Variants in HINT3 observed in about 807,000 individuals in gnomAD.
HINT3 encodes adenosine 5'-monophosphoramidase HINT3.
HINT3 carries 16 observed loss-of-function variants against 19.1 expected under a neutral mutation model. That is an observed-to-expected ratio of 0.84 (90% CI 0.57 to 1.27). The LOEUF (loss-of-function observed/expected upper bound fraction) is 1.27. HINT3 is among the 50% of genes most tolerant of loss of function. HINT3 has a pLI of 0.00. For missense variants in HINT3, 197 were observed against 225.8 expected (o/e 0.87, Z 0.82); for synonymous variants, 75 against 84.8 (o/e 0.88, Z 0.63).
chr6:125,977,122 G>C (rs748890671), intron 4 of HINT3, among the ~76,000 whole-genome samples: 82 of 152,062 alleles, frequency 5.4e-4, no homozygotes, highest in African/African-American at 4.8e-4. Context: ...ATATTCTGTG[G>C]GTTTTGATAA....
At chr6:125,972,770 G>C (rs1789120642) in intron 3 of HINT3, among the ~76,000 whole-genome samples, 1 of 151,806 alleles carries the variant, frequency 6.6e-6, no homozygotes, top group Admixed American at 6.6e-5. Context: ...AAATTTTTTA[G>C]GTAGAGACAG....
intron 1 of HINT3, among the ~76,000 whole-genome samples, chr6:125,965,475 C>A (rs866901206): frequency 2.0e-5 from 3 of 152,134 alleles, no homozygotes; most frequent in African/African-American, 2.4e-5. Flanking sequence ...TTAATTGTTT[C>A]TGAGCTGGAA....
intron 2 of HINT3, among the ~76,000 whole-genome samples, chr6:125,968,967 T>G (rs927637732): frequency 2.6e-5 from 4 of 152,228 alleles, no homozygotes; most frequent in African/African-American, 9.6e-5. Context: ...GGTTATCCAT[T>G]TACTCTGTTG....
chr6:125,973,962 AG>A (rs1291554944), intron 3 of HINT3, among the ~76,000 whole-genome samples: 4 of 152,200 alleles, frequency 2.6e-5, no homozygotes, highest in Non-Finnish European at 5.9e-5. Context: ...ACTGTTTGGC[AG>A]AAGGAAAACC....
In HINT3 at chr6:125,966,877, T is replaced by C. The variant is rs3757212; in HGVS notation, c.202-10T>C. On this transcript the variant is annotated splice_polypyrimidine_tract_variant and intron_variant, in intron 1 of 4. Coordinates refer to ENST00000229633, the MANE Select transcript of HINT3 (RefSeq NM_138571.5). ...TTTAAAAATTCACTAACAAATGTTT[T>C]TTCCTTTAGAATGAGGACCTAATTT... The C allele has an allele frequency of 0.68, 1,051,529 of 1,557,278 alleles. 359,557 individuals carry two copies. The highest frequency in any genetic ancestry group is 0.95 in the East Asian group (42,025 of 44,348).
In HINT3 at chr6:125,977,645, C is replaced by T. The variant is rs1393604471; in HGVS notation, c.518C>T (p.Ala173Val). 1 of 1,472,510 alleles carries T rather than the reference C, an allele frequency of 6.8e-7. No individual in the cohort carries two copies. Among genetic ancestry groups the T allele is most frequent in the East Asian group, 2.5e-5 (1 of 40,504 alleles). The allele number at this position is 1,472,510 out of a possible 1,614,324, so 91.2% of individuals were successfully genotyped here. ...AAAAAGTATGTTTTTTAATTACAGG[C>T]TGATCACTTGATTGAAAAACTAAGA... ...YRVNSYWFIT[A>V]DHLIEKLRT is the part of the protein sequence containing the mutation. The change falls in exon 5 of 5, where the codon GCT becomes GTT. Residue 173 changes from alanine (A) to valine (V), a missense_variant and splice_region_variant. By Grantham distance (64) the Ala-to-Val change is moderately conservative. Transcript: ENST00000229633.
intron 4 of HINT3, among the ~76,000 whole-genome samples, chr6:125,975,222 T>C (rs1789164340): frequency 6.6e-6 from 1 of 152,218 alleles, no homozygotes; most frequent in African/African-American, 2.4e-5. Context: ...AGAAGAACCA[T>C]GGTATTCAGA....
rs1474455452 is a variant in HINT3 at position 125,970,008 on chromosome 6, C to G, written c.320-2251C>G. Among the ~76,000 whole-genome samples the G allele has an allele frequency of 2.6e-5, 4 of 152,204 alleles. No homozygotes were observed. The South Asian group carries it at 8.3e-4, about 32-fold the overall frequency. Reference sequence around the variant, plus strand: ...TGCCTGATTGCTCTGGCTAGGACTTCTGAAATCTGGAAAGGCTTTGTCATG... The same window carrying G: ...TGCCTGATTGCTCTGGCTAGGACTTGTGAAATCTGGAAAGGCTTTGTCATG... On this transcript the variant is annotated intron_variant, in intron 2 of 4. Coordinates refer to ENST00000229633, the MANE Select transcript of HINT3 (RefSeq NM_138571.5).
chr6:125,973,819 G>T (rs1206884755), intron 3 of HINT3, among the ~76,000 whole-genome samples: 1 of 152,172 alleles, frequency 6.6e-6, no homozygotes, highest in Non-Finnish European at 1.5e-5. Context: ...CCAGCTCCAC[G>T]ACTGTCTAAC....
rs984958258 is a variant in HINT3 at position 125,956,783 on chromosome 6, C to G, written c.-195C>G. 9.4e-6 allele frequency: 6 copies of G among 636,156 alleles called. No homozygotes were observed. The highest frequency in any genetic ancestry group is 1.6e-5 in the Non-Finnish European group (6 of 371,868). 39.4% of individuals were successfully genotyped at this position (636,156 alleles called of 1,614,324 possible). A position where few individuals can be genotyped will look rare whatever the true frequency, so the allele number is the denominator to read the frequency against. Reference sequence around the variant, plus strand: ...CCATTGCGCGCCCTCTAGTGGCAGCCGGTTTTGAGGCCGGCCTCCGGCTTT... The same window carrying G: ...CCATTGCGCGCCCTCTAGTGGCAGCGGGTTTTGAGGCCGGCCTCCGGCTTT... On this transcript the variant is annotated 5_prime_UTR_variant, in exon 1 of 5. Transcript: ENST00000229633.
At chr6:125,975,016 A>T in intron 4 of HINT3, 43 bp downstream of exon 4, 1 of 1,593,020 alleles carries the variant, frequency 6.3e-7, no homozygotes, top group East Asian at 2.2e-5. Context: ...AAATATTTAA[A>T]ATATCCTTTT....
chr6:125,958,035 A>G (rs190268645), intron 1 of HINT3, among the ~76,000 whole-genome samples: 20 of 152,298 alleles, frequency 1.3e-4, no homozygotes, highest in Non-Finnish European at 2.1e-4. Context: ...GCCAGTTACA[A>G]TGCCTCGTGC....
Position 125,957,154 on chromosome 6 carries a change from G to A in HINT3, c.177G>A (p.Pro59=). 1 of 1,549,600 alleles carries A rather than the reference G, an allele frequency of 6.5e-7. No individual in the cohort carries two copies. Among genetic ancestry groups the A allele is most frequent in the Non-Finnish European group, 8.7e-7 (1 of 1,146,416 alleles). Residue 59 remains proline (P), a synonymous_variant, in exon 1 of 5, where the codon CCG becomes CCA. Coordinates refer to ENST00000229633, the MANE Select transcript of HINT3 (RefSeq NM_138571.5). ...GCCGGATCGCGGGGCGGCAGGACCC[G>A]GGCACCGAACTCCTGCACTGCGAGG... ...VFCRIAGRQD[P]GTELLHCENE...
At chr6:125,970,979 T>A (rs1789088744) in intron 2 of HINT3, among the ~76,000 whole-genome samples, 1 of 152,208 alleles carries the variant, frequency 6.6e-6, no homozygotes, top group South Asian at 2.1e-4. Flanking sequence ...GAAGTAAACA[T>A]TAACAATGAT....
rs1036992177 is a variant in HINT3 at position 125,969,909 on chromosome 6, A to G, written c.320-2350A>G. ...GTGGAGTCTTCAGGGTTTTCTAGGT[A>G]TGGACTCAGATTGTTGGTGAAGAGA... On this transcript the variant is annotated intron_variant, in intron 2 of 4. Coordinates refer to ENST00000229633, the MANE Select transcript of HINT3 (RefSeq NM_138571.5). 4.2e-4 allele frequency among the ~76,000 whole-genome samples: 64 copies of G among 152,150 alleles called. 2 individuals carry two copies. The highest frequency in any genetic ancestry group is 7.4e-5 in the Non-Finnish European group (5 of 68,022).
chr6:125,972,195 T>G (rs1433836371), intron 2 of HINT3, 64 bp from the exon 3 acceptor site: 1 of 1,036,874 alleles, frequency 9.6e-7, no homozygotes, highest in African/African-American at 1.6e-5. Flanking sequence ...AGAGTGAAGA[T>G]CAATGGCAAT....
rs940243354 is a variant in HINT3, at chr6:125,978,956, G to A, written c.*1280G>A. The A allele has an allele frequency of 2.0e-5, 3 of 152,158 alleles. No homozygotes were observed. The highest frequency in any genetic ancestry group is 1.5e-5 in the Non-Finnish European group (1 of 68,028). The allele number at this position is 152,158 out of a possible 1,614,324, so 9.4% of individuals were successfully genotyped here. On this transcript the variant is annotated 3_prime_UTR_variant, in exon 5 of 5. Coordinates refer to ENST00000229633, the MANE Select transcript of HINT3 (RefSeq NM_138571.5). Reference sequence around the variant, plus strand: ...AAAAATGGACATTCAGACTGCAATTGCTAGTACAGGGGTCAAACAAAATCA... The same window carrying A: ...AAAAATGGACATTCAGACTGCAATTACTAGTACAGGGGTCAAACAAAATCA...
At chr6:125,969,650 T>C (rs1374837763) in intron 2 of HINT3, among the ~76,000 whole-genome samples, 1 of 152,178 alleles carries the variant, frequency 6.6e-6, no homozygotes, top group East Asian at 1.9e-4. Flanking sequence ...GTTTGTATCA[T>C]CTATGATTTC....
Position 125,957,148 on chromosome 6 carries a change from G to T in HINT3, c.171G>T (p.Gln57His), listed in dbSNP as rs1211764047. The T allele has an allele frequency of 4.5e-6, 7 of 1,549,944 alleles. No individual in the cohort carries two copies. The Admixed American group carries it at 1.4e-4, about 30-fold the overall frequency. ...TCVFCRIAGR[Q>H]DPGTELLHCE... ...TGTTCTGCCGGATCGCGGGGCGGCAGGACCCGGGCACCGAACTCCTGCACT... is the reference window on the plus strand; with the variant it reads ...TGTTCTGCCGGATCGCGGGGCGGCATGACCCGGGCACCGAACTCCTGCACT... The change falls in exon 1 of 5, where the codon CAG becomes CAT. Residue 57 changes from glutamine to histidine, a missense_variant. By Grantham distance (24) the Gln-to-His change is conservative. Coordinates refer to ENST00000229633, the MANE Select transcript of HINT3 (RefSeq NM_138571.5).
Sources: allele counts gnomAD v4.1 joint callset (sites outside exome capture counted in the v4.1 genomes callset), GRCh38; gene constraint gnomAD v4.1.1; transcripts MANE v1.5; gene names NCBI Gene and HGNC (gene_info 2026-07-23, HGNC 2026-07-21).